The following OXTR variants were observed in gnomAD, a reference collection of about 807,000 sequenced individuals.
OXTR encodes the protein oxytocin receptor.
OXTR carries 19 observed loss-of-function variants against 23.9 expected under a neutral mutation model. That is an observed-to-expected ratio of 0.80 (90% confidence interval 0.56 to 1.17). The LOEUF is 1.17. OXTR is among the 50% of genes most tolerant of loss of function. The probability of loss-of-function intolerance (pLI) is 0.00; values close to 1 mark genes in which losing one functional copy is unlikely to be tolerated. For missense variants in OXTR, 500 were observed against 550.7 expected (o/e 0.91, Z 0.92); for synonymous variants, 278 against 250.5 (o/e 1.11, Z -1.04).
At chr3:8,769,059 A>G (rs1296142619) in intron 1 of OXTR, among the ~76,000 whole-genome samples, 172 bp downstream of exon 1, 1 of 152,188 alleles carries the variant, frequency 6.6e-6, no homozygotes, top group Non-Finnish European at 1.5e-5. Context: ...CTTTGGACCC[A>G]GATAATCAAG....
rs762072495 is a variant in OXTR at position 8,767,481 on chromosome 3, G to C, written c.707C>G (p.Ala236Gly). 1 of 1,606,668 alleles carries C rather than the reference G, an allele frequency of 6.2e-7. No individual in the cohort carries two copies. Among genetic ancestry groups the C allele is most frequent in the South Asian group, 1.1e-5 (1 of 90,392 alleles). ...KIWQNLRLKT[A>G]AAAAAEAPEG... is the part of the protein sequence containing the mutation. The stretch of plus-strand genomic sequence containing the variant: ...TGGCGCCTCGGCCGCCGCCGCTGCA[G>C]CGGTCTTGAGCCGCAAGTTCTGCCA... The change falls in exon 3 of 4, where the codon GCT (alanine) becomes GGT (glycine). Residue 236 changes from alanine (A) to glycine (G), a missense_variant. Transcript: ENST00000316793.
At position 8,753,232 on chromosome 3, in the gene OXTR, G is replaced by A; in HGVS notation, c.923-8C>T. 6.2e-7 allele frequency: 1 copy of A among 1,613,928 alleles called. No individual in the cohort carries two copies. The highest frequency in any genetic ancestry group is 2.2e-5 in the East Asian group (1 of 44,880). ...CGATGATGAAGGCCGAGGCTGAGGG[G>A]GTGGGGGCAGGAGAAAGGAGAAAAG... On this transcript the variant is annotated splice_region_variant and splice_polypyrimidine_tract_variant and intron_variant, in intron 3 of 3. Coordinates refer to ENST00000316793, the MANE Select transcript of OXTR (RefSeq NM_000916.4).
At position 8,767,582 on chromosome 3, in the gene OXTR, T is replaced by C. The variant is rs777860561; in HGVS notation, c.606A>G (p.Thr202=). The stretch of plus-strand genomic sequence containing the variant: ...CGATGTAGACAGCTAGCGTGATCCA[T>C]GTGATGTAGGCCTTGGGTCCCCAGG... ...IQPWGPKAYI[T]WITLAVYIVP... is the part of the protein sequence containing the mutation. Residue 202 remains threonine, a synonymous_variant, in exon 3 of 4, where the codon ACA becomes ACG. Coordinates refer to ENST00000316793, the MANE Select transcript of OXTR (RefSeq NM_000916.4). 5 of 1,613,398 alleles carry C rather than the reference T, an allele frequency of 3.1e-6. No individual in the cohort carries two copies. The highest frequency in any genetic ancestry group is 4.2e-6 in the Non-Finnish European group (5 of 1,179,756).
At chr3:8,749,321 A>T (rs2124990817), downstream of OXTR, among the ~76,000 whole-genome samples, 1 of 152,258 alleles carries the variant, frequency 6.6e-6, no homozygotes, top group Non-Finnish European at 1.5e-5. Context: ...GAGAGTGACA[A>T]AGCATCCCAC....
the OXTR span, among the ~76,000 whole-genome samples, chr3:8,742,769 T>C: frequency 5.3e-5 from 8 of 152,240 alleles, no homozygotes; most frequent in South Asian, 2.1e-4. Flanking sequence ...GATGGATGGA[T>C]AGATGGATGA....
chr3:8,741,530 G>A, the OXTR span, among the ~76,000 whole-genome samples: 2 of 152,134 alleles, frequency 1.3e-5, no homozygotes, highest in Non-Finnish European at 2.9e-5. Context: ...AATCGTCTCT[G>A]TGTAGAGTTG....
chr3:8,765,857 T>C (rs192225049), intron 3 of OXTR, among the ~76,000 whole-genome samples: 1 of 152,324 alleles, frequency 6.6e-6, no homozygotes, highest in Admixed American at 6.5e-5. Context: ...TCGGTAAATA[T>C]TGAATAACCA....
chr3:8,746,181 T>G, downstream of OXTR: 4 of 269,968 alleles, frequency 1.5e-5, no homozygotes, highest in Admixed American at 4.7e-5. Context: ...CAGCACGCGG[T>G]TCCCACCCGG....
rs1272225440 is a variant in OXTR, at chr3:8,752,104, G to T, written c.*873C>A. ...GATTCCTATTTTATTCTTTCTGATG[G>T]TATTATAAATGGAATTATTTAACTT... On this transcript the variant is annotated 3_prime_UTR_variant, in exon 4 of 4. Transcript: ENST00000316793. The T allele has an allele frequency of 6.6e-6, 1 of 151,974 alleles. No homozygotes were observed. The highest frequency in any genetic ancestry group is 2.4e-5 in the African/African-American group (1 of 41,340). 9.4% of individuals were successfully genotyped at this position (151,974 alleles called of 1,614,324 possible).
chr3:8,756,940 A>G (rs1052375104), intron 3 of OXTR, among the ~76,000 whole-genome samples: 2 of 152,254 alleles, frequency 1.3e-5, no homozygotes, highest in South Asian at 4.1e-4. Flanking sequence ...GGCCTGACTC[A>G]GAAAGGTCTG....
intron 3 of OXTR, among the ~76,000 whole-genome samples, chr3:8,753,713 A>T (rs1332425239): frequency 1.3e-5 from 2 of 152,192 alleles, no homozygotes; most frequent in Non-Finnish European, 2.9e-5. Flanking sequence ...GCATAAGGAG[A>T]GTGCCCAAAC....
chr3:8,745,218 C>T, the OXTR span, among the ~76,000 whole-genome samples: 2 of 152,226 alleles, frequency 1.3e-5, no homozygotes, highest in South Asian at 2.1e-4. The surrounding 1 kb of genome is among the most constrained non-coding windows in gnomAD (Gnocchi z 4.8). Flanking sequence ...CCAGGGGAGA[C>T]GCCTGCTCTC....
Position 8,768,302 on chromosome 3 carries a change from C to T in OXTR, c.-115G>A. ...GCGCCCGGGGCTCCACTCCTGGAGA[C>T]TCCACGGACGGATCTGCTGGGTCCA... On this transcript the variant is annotated 5_prime_UTR_variant, in exon 3 of 4. Coordinates refer to ENST00000316793, the MANE Select transcript of OXTR (RefSeq NM_000916.4). The surrounding 1 kb of genome is among the most constrained non-coding windows in gnomAD (Gnocchi z 5.4). The T allele has an allele frequency of 1.6e-6, 2 of 1,219,082 alleles. No individual in the cohort carries two copies. The highest frequency in any genetic ancestry group is 8.7e-5 in the Admixed American group (2 of 22,860). The allele number at this position is 1,219,082 out of a possible 1,614,324, so 75.5% of individuals were successfully genotyped here. A position where few individuals can be genotyped will look rare whatever the true frequency, so the allele number is the denominator to read the frequency against.
chr3:8,767,501 C>T lies in OXTR; in HGVS notation c.687G>A (p.Gln229=). 6.2e-7 allele frequency: 1 copy of T among 1,611,716 alleles called. No individual in the cohort carries two copies. Among genetic ancestry groups the T allele is most frequent in the Non-Finnish European group, 8.5e-7 (1 of 1,179,082 alleles). The change falls in exon 3 of 4, where the codon CAG becomes CAA. Residue 229 remains glutamine (Q), a synonymous_variant. Coordinates refer to ENST00000316793, the MANE Select transcript of OXTR (RefSeq NM_000916.4). ...CTGCAGCGGTCTTGAGCCGCAAGTT[C>T]TGCCAGATCTTGAAGCTGATAAGGC... The part of the protein sequence containing the change: ...CYGLISFKIW[Q]NLRLKTAAAA...
rs1053493558 is a variant in OXTR at position 8,768,914 on chromosome 3, C to T, written c.-239+317G>A. 6.6e-6 allele frequency among the ~76,000 whole-genome samples: 1 copy of T among 152,166 alleles called. No homozygotes were observed. Among genetic ancestry groups the T allele is most frequent in the Non-Finnish European group, 1.5e-5 (1 of 68,024 alleles). ...CTGCTTCGGTGGAAACCCGGTTCTG[C>T]AGTCCCTGCTGGGGGAACCCCTGCC... On this transcript the variant is annotated intron_variant, in intron 1 of 3. Coordinates refer to ENST00000316793, the MANE Select transcript of OXTR (RefSeq NM_000916.4). The surrounding 1 kb of genome is among the most constrained non-coding windows in gnomAD (Gnocchi z 5.4).
intron 3 of OXTR, among the ~76,000 whole-genome samples, chr3:8,754,034 A>G (rs934937863): frequency 2.0e-5 from 3 of 152,222 alleles, no homozygotes; most frequent in Non-Finnish European, 4.4e-5. Context: ...ACTGTATGAC[A>G]TCTTCATGGC....
intron 3 of OXTR, among the ~76,000 whole-genome samples, chr3:8,762,077 G>A (rs1270511228): frequency 6.6e-6 from 1 of 152,202 alleles, no homozygotes; most frequent in Non-Finnish European, 1.5e-5. Flanking sequence ...AGGTGGGCCA[G>A]TGCCTCAGGT....
chr3:8,753,017 C>G lies in OXTR; in HGVS notation c.1130G>C (p.Ser377Thr). 6.2e-7 allele frequency: 1 copy of G among 1,613,960 alleles called. No individual in the cohort carries two copies. The highest frequency in any genetic ancestry group is 8.5e-7 in the Non-Finnish European group (1 of 1,179,908). ...CTGGGAGCAGCTCCTCTGGCTGGAGCTGCGATGGCTCAGGACAAAGGAGGA... is the reference window on the plus strand; with the variant it reads ...CTGGGAGCAGCTCCTCTGGCTGGAGGTGCGATGGCTCAGGACAAAGGAGGA... ...NSSSFVLSHR[S>T]SSQRSCSQPS... The change falls in exon 4 of 4, where the codon AGC (serine) becomes ACC (threonine). Residue 377 changes from serine to threonine, a missense_variant. Physicochemically the swap from Ser to Thr is moderately conservative, Grantham distance 58. Transcript: ENST00000316793.
chr3:8,752,878 A>C lies in OXTR; in HGVS notation c.*99T>G. On this transcript the variant is annotated 3_prime_UTR_variant, in exon 4 of 4. Coordinates refer to ENST00000316793, the MANE Select transcript of OXTR (RefSeq NM_000916.4). ...AAGGAGGGGAGGGATACAAACTGAT[A>C]GGTACCTTATACACAAACATACGCC... is the stretch of plus-strand genomic sequence containing the variant. 8 of 1,267,070 alleles carry C rather than the reference A, an allele frequency of 6.3e-6. No homozygotes were observed. The highest frequency in any genetic ancestry group is 1.5e-5 in the South Asian group (1 of 65,116). 78.5% of individuals were successfully genotyped at this position (1,267,070 alleles called of 1,614,324 possible).
Sources: gnomAD v4.1 joint callset for allele counts (sites outside exome capture counted in the v4.1 genomes callset) on GRCh38, gnomAD v4.1.1 for gene constraint, Gnocchi (gnomAD v3.1) non-coding constraint, MANE v1.5 for transcripts, NCBI Gene and HGNC (gene_info 2026-07-23, HGNC 2026-07-21) for gene names.